Variants in OPCML observed in about 807,000 individuals in gnomAD.
OPCML encodes opioid-binding protein/cell adhesion molecule.
A neutral mutation model predicts 37.8 loss-of-function variants in OPCML; 13 were observed. That is an observed-to-expected ratio of 0.34 (90% CI 0.22 to 0.55). The LOEUF is 0.55. Ranked by LOEUF, OPCML falls within the 20% of genes least tolerant of loss-of-function variation. OPCML has a pLI of 0.91. For synonymous variants in OPCML, 176 were observed against 168.8 expected (o/e 1.04, Z -0.33); for missense variants, 341 against 435.6 (o/e 0.78, Z 1.93).
At chr11:133,311,300 A>C (rs1281592815) in intron 1 of OPCML, among the ~76,000 whole-genome samples, 1 of 152,218 alleles carries the variant, frequency 6.6e-6, no homozygotes, top group Non-Finnish European at 1.5e-5. Flanking sequence ...CTAGGAGGGC[A>C]AAAGATGTGA....
chr11:132,558,459 C>T (rs1366595708), intron 3 of OPCML, among the ~76,000 whole-genome samples: 1 of 60,164 alleles, frequency 1.7e-5, no homozygotes, highest in Non-Finnish European at 3.0e-5. Context: ...CCCTACTCGT[C>T]CTCCCCATCC....
chr11:132,550,328 C>G (rs1343186971), intron 3 of OPCML, among the ~76,000 whole-genome samples: 5 of 152,152 alleles, frequency 3.3e-5, no homozygotes, highest in Non-Finnish European at 5.9e-5. Context: ...GGGTGGATTT[C>G]TCATGAATAG....
At chr11:132,742,691 T>G (rs1945470947) in intron 2 of OPCML, among the ~76,000 whole-genome samples, 1 of 149,608 alleles carries the variant, frequency 6.7e-6, no homozygotes, top group Non-Finnish European at 1.5e-5. Context: ...TATATACTTT[T>G]TATAATATAT....
In OPCML at chr11:132,648,799, C is replaced by T. The variant is rs77775472; in HGVS notation, c.379+8288G>A. Among the ~76,000 whole-genome samples the T allele has an allele frequency of 4.1e-3, 626 of 152,234 alleles. 15 individuals carry two copies. The East Asian group carries it at 0.069, about 17-fold the overall frequency. Reference sequence around the variant, plus strand: ...TCTCAAGCGGAAGTGCTGCCTCTTGCCAGGGTCCACCCGTGATTTGTTCTG... The same window carrying T: ...TCTCAAGCGGAAGTGCTGCCTCTTGTCAGGGTCCACCCGTGATTTGTTCTG... On this transcript the variant is annotated intron_variant, in intron 3 of 7. Transcript: ENST00000524381.
intron 1 of OPCML, chr11:133,026,521 T>C: frequency 3.0e-6 from 3 of 985,442 alleles, no homozygotes; most frequent in Non-Finnish European, 3.6e-6. Flanking sequence ...CTTTTTCTCT[T>C]GTTTTCCCAT....
At position 133,177,755 on chromosome 11, in the gene OPCML, T is replaced by G. The variant is rs182534919; in HGVS notation, c.62-234745A>C. 5.1e-4 allele frequency among the ~76,000 whole-genome samples: 77 copies of G among 152,320 alleles called. No homozygotes were observed. The highest frequency in any genetic ancestry group is 1.8e-3 in the African/African-American group (75 of 41,564). On this transcript the variant is annotated intron_variant, in intron 1 of 7. Transcript: ENST00000524381. The surrounding 1 kb of genome is among the most constrained non-coding windows in gnomAD (Gnocchi z 5.0). ...TAGCTGCTCGAGCAAATGTGGAATC[T>G]CATGGAATCGGCCCCACACACTCAC...
chr11:132,814,778 G>A (rs535867586), intron 2 of OPCML, among the ~76,000 whole-genome samples: 1 of 152,220 alleles, frequency 6.6e-6, no homozygotes, highest in African/African-American at 2.4e-5. Flanking sequence ...GCTATGGGGG[G>A]CTGTGGAGGA....
In OPCML at chr11:132,524,239, C is replaced by T. The variant is rs556522845; in HGVS notation, c.505+4822G>A. ...CTTCCCTTCTCTTGTCTTTCAGGAA[C>T]GGGAAAGGAAGTAATTCTTGAAGTG... is the stretch of plus-strand genomic sequence containing the variant. On this transcript the variant is annotated intron_variant, in intron 4 of 7. Coordinates refer to ENST00000524381, the MANE Select transcript of OPCML (RefSeq NM_001012393.5). 1.8e-4 allele frequency among the ~76,000 whole-genome samples: 27 copies of T among 152,268 alleles called. No homozygotes were observed. The South Asian group carries it at 3.5e-3, about 20-fold the overall frequency.
chr11:132,529,033 GAA>G, intron 4 of OPCML, 26 bp downstream of exon 4: 1 of 1,476,834 alleles, frequency 6.8e-7, no homozygotes, highest in Non-Finnish European at 9.4e-7. Flanking sequence ...TACTACCTCT[GAA>G]AACGTCCTCC....
chr11:133,477,322 G>A lies in OPCML; in HGVS notation c.61+54942C>T, dbSNP rs1448603920. 2.2e-4 allele frequency among the ~76,000 whole-genome samples: 33 copies of A among 152,146 alleles called. 1 individual carries two copies. Among genetic ancestry groups the A allele is most frequent in the Admixed American group, 2.2e-3 (33 of 15,282 alleles). On this transcript the variant is annotated intron_variant, in intron 1 of 7. Coordinates refer to ENST00000524381, the MANE Select transcript of OPCML (RefSeq NM_001012393.5). The stretch of plus-strand genomic sequence containing the variant: ...CTCTGGGCTTGTCTCTGCAGAATGG[G>A]TGGCTAGCAATTTCACAAAGAATAG...
chr11:132,997,063 G>A (rs1946901925), intron 1 of OPCML, among the ~76,000 whole-genome samples: 1 of 152,094 alleles, frequency 6.6e-6, no homozygotes, highest in Non-Finnish European at 1.5e-5. Flanking sequence ...TCCTCCGACT[G>A]CAGGATTAAA....
chr11:133,073,584 G>GT (rs1329502096), intron 1 of OPCML, among the ~76,000 whole-genome samples: 1 of 152,218 alleles, frequency 6.6e-6, no homozygotes, highest in Non-Finnish European at 1.5e-5. Context: ...CTCCTTGGGG[G>GT]TAAGAGTTAC....
intron 1 of OPCML, among the ~76,000 whole-genome samples, chr11:133,187,466 C>G (rs537335603): frequency 2.9e-4 from 44 of 152,274 alleles, no homozygotes; most frequent in African/African-American, 8.9e-4. Flanking sequence ...CCTGCTTGCT[C>G]TCTACCCCAA....
At chr11:133,117,648 C>T (rs1243783041) in intron 1 of OPCML, among the ~76,000 whole-genome samples, 4 of 152,128 alleles carry the variant, frequency 2.6e-5, no homozygotes, top group Admixed American at 6.5e-5. Context: ...GGAGCACATT[C>T]GAGATAATTT....
intron 1 of OPCML, among the ~76,000 whole-genome samples, chr11:133,181,517 C>T (rs1195477922): frequency 6.6e-6 from 1 of 152,062 alleles, no homozygotes; most frequent in Non-Finnish European, 1.5e-5. Context: ...ATCTATTATA[C>T]TTTTGTTCTA....
At chr11:132,488,107 C>A (rs1317599550) in intron 4 of OPCML, among the ~76,000 whole-genome samples, 3 of 152,230 alleles carry the variant, frequency 2.0e-5, no homozygotes, top group Admixed American at 1.3e-4. Flanking sequence ...GCCTATGCAG[C>A]TGCTTATGCT....
At chr11:133,425,680 A>C (rs1375584179) in intron 1 of OPCML, among the ~76,000 whole-genome samples, 1 of 152,172 alleles carries the variant, frequency 6.6e-6, no homozygotes, top group Admixed American at 6.5e-5. Flanking sequence ...CACATGGAGT[A>C]GGGGTCTACA....
intron 1 of OPCML, among the ~76,000 whole-genome samples, chr11:133,377,095 G>A (rs574252783): frequency 6.6e-6 from 1 of 152,328 alleles, no homozygotes; most frequent in South Asian, 2.1e-4. Flanking sequence ...TTGAGGGCTC[G>A]TGGTTTAGGA....
intron 1 of OPCML, among the ~76,000 whole-genome samples, chr11:133,231,719 G>T (rs1940287306): frequency 1.3e-5 from 2 of 152,164 alleles, no homozygotes; most frequent in African/African-American, 4.8e-5. Context: ...AACCTCCTGA[G>T]ATGTGGTTTC....
Sources: gnomAD v4.1 joint callset for allele counts (sites outside exome capture counted in the v4.1 genomes callset) on GRCh38, gnomAD v4.1.1 for gene constraint, Gnocchi (gnomAD v3.1) non-coding constraint, MANE v1.5 for transcripts, NCBI Gene and HGNC (gene_info 2026-07-23, HGNC 2026-07-21) for gene names.